The following KCNIP4 variants were observed in gnomAD, a reference collection of about 807,000 sequenced individuals.
KCNIP4 encodes Kv channel-interacting protein 4.
A neutral mutation model predicts 34.0 loss-of-function variants in KCNIP4; 12 were observed. The ratio of observed to expected loss-of-function variants is 0.35; its 90% CI spans 0.23 to 0.57. KCNIP4 has a LOEUF of 0.57. Among genes scored for constraint, KCNIP4 ranks in the 20% least tolerant of loss-of-function variants. KCNIP4 has a pLI of 0.83. For missense variants in KCNIP4, 238 were observed against 311.7 expected (o/e 0.76, Z 1.78); for synonymous variants, 124 against 102.2 (o/e 1.21, Z -1.29).
At chr4:20,917,012 T>C (rs1728902798) in intron 1 of KCNIP4, among the ~76,000 whole-genome samples, 1 of 14,598 alleles carries the variant, frequency 6.9e-5, no homozygotes, top group South Asian at 1.3e-3. Flanking sequence ...TATATATATA[T>C]ATATATATAT....
chr4:21,388,368 A>G (rs965849734), intron 1 of KCNIP4, among the ~76,000 whole-genome samples: 12 of 151,852 alleles, frequency 7.9e-5, no homozygotes, highest in Non-Finnish European at 1.3e-4. Context: ...ATATGACATA[A>G]GAAGTGTCCC....
At position 21,246,389 on chromosome 4, in the gene KCNIP4, G is replaced by A. The variant is rs535341047; in HGVS notation, c.62-363680C>T. Among the ~76,000 whole-genome samples the A allele has an allele frequency of 3.3e-4, 51 of 152,258 alleles. No homozygotes were observed. In the South Asian group the frequency reaches 1.0e-2, roughly 30 times the overall value. Reference sequence around the variant, plus strand: ...GACCCACAAAACCTTCAAACACTTCGAAGCTTAAGCTGATTTTGTCAACTA... The same window carrying A: ...GACCCACAAAACCTTCAAACACTTCAAAGCTTAAGCTGATTTTGTCAACTA... On this transcript the variant is annotated intron_variant, in intron 1 of 8. Coordinates refer to ENST00000382152, the MANE Select transcript of KCNIP4 (RefSeq NM_025221.6).
chr4:21,842,313 A>G (rs1723735160), intron 1 of KCNIP4, among the ~76,000 whole-genome samples: 1 of 152,092 alleles, frequency 6.6e-6, no homozygotes, highest in East Asian at 1.9e-4. Flanking sequence ...ATAGTTTTAC[A>G]CTAGATTTTT....
chr4:21,855,384 C>T (rs1724685686), intron 1 of KCNIP4, among the ~76,000 whole-genome samples: 1 of 152,190 alleles, frequency 6.6e-6, no homozygotes, highest in Admixed American at 6.5e-5. Context: ...TTTCCAGTGT[C>T]TAAACCGCTG....
intron 1 of KCNIP4, among the ~76,000 whole-genome samples, chr4:21,156,888 T>C (rs948886463): frequency 5.9e-5 from 9 of 152,054 alleles, no homozygotes; most frequent in African/African-American, 2.2e-4. Flanking sequence ...TAATGGGTAA[T>C]ATGCATTCTA....
At chr4:21,863,219 T>A (rs1298610525) in intron 1 of KCNIP4, among the ~76,000 whole-genome samples, 2 of 152,014 alleles carry the variant, frequency 1.3e-5, no homozygotes, top group African/African-American at 4.8e-5. Context: ...TTTTGGTAAG[T>A]GTGTTATCCA....
intron 1 of KCNIP4, among the ~76,000 whole-genome samples, chr4:21,111,600 G>A (rs375629765): frequency 5.3e-5 from 8 of 152,310 alleles, no homozygotes; most frequent in South Asian, 2.1e-4. Context: ...CAAACTCAGC[G>A]TGGCACTAGA....
At chr4:21,196,845 T>G (rs1756091546) in intron 1 of KCNIP4, among the ~76,000 whole-genome samples, 3 of 152,166 alleles carry the variant, frequency 2.0e-5, no homozygotes, top group Admixed American at 6.5e-5. Flanking sequence ...AAGTGTACAC[T>G]CTGATGCATT....
At chr4:21,103,472 A>G (rs1220391617) in intron 1 of KCNIP4, among the ~76,000 whole-genome samples, 1 of 149,930 alleles carries the variant, frequency 6.7e-6, no homozygotes, top group Non-Finnish European at 1.5e-5. Context: ...TATTTTAATT[A>G]TATCATTATT....
intron 1 of KCNIP4, among the ~76,000 whole-genome samples, chr4:21,791,740 GCCTGTAATC>G (rs1464697360): frequency 6.6e-6 from 1 of 151,920 alleles, no homozygotes; most frequent in Non-Finnish European, 1.5e-5. Flanking sequence ...TACCTCTCAT[GCCTGTAATC>G]CCAGCACTTT....
intron 1 of KCNIP4, among the ~76,000 whole-genome samples, chr4:21,066,236 G>A (rs1474696821): frequency 2.6e-5 from 4 of 152,088 alleles, no homozygotes; most frequent in Non-Finnish European, 5.9e-5. Flanking sequence ...CCTATTTACT[G>A]TGGCTTCCAT....
rs556750837 is a variant in KCNIP4 at position 21,714,201 on chromosome 4, T to A, written c.61+234370A>T. Among the ~76,000 whole-genome samples, 3 of 152,272 alleles carry A rather than the reference T, an allele frequency of 2.0e-5. No individual in the cohort carries two copies. In the South Asian group the frequency reaches 6.2e-4, roughly 32 times the overall value. On this transcript the variant is annotated intron_variant, in intron 1 of 8. Coordinates refer to ENST00000382152, the MANE Select transcript of KCNIP4 (RefSeq NM_025221.6). ...AAACTCTCTCTCAAGATTAATAAAT[T>A]GTCATCAATAATGGCTGTATTTTCA...
At chr4:21,174,397 A>G (rs144530467) in intron 1 of KCNIP4, among the ~76,000 whole-genome samples, 29 of 152,256 alleles carry the variant, frequency 1.9e-4, no homozygotes, top group South Asian at 1.0e-3. Context: ...ACTTCCTGAG[A>G]CTCAGTTTGT....
At chr4:21,881,173 T>A (rs1460538481) in intron 1 of KCNIP4, among the ~76,000 whole-genome samples, 1 of 152,166 alleles carries the variant, frequency 6.6e-6, no homozygotes, top group Non-Finnish European at 1.5e-5. Context: ...ATTTTGCTGT[T>A]CTGTCTTGAC....
intron 1 of KCNIP4, among the ~76,000 whole-genome samples, chr4:21,026,018 G>A (rs1383086397): frequency 6.6e-6 from 1 of 152,134 alleles, no homozygotes; most frequent in Non-Finnish European, 1.5e-5. Context: ...AGAAATATTA[G>A]TCTAATGGCC....
intron 1 of KCNIP4, among the ~76,000 whole-genome samples, chr4:21,640,261 C>G (rs1370879052): frequency 6.6e-6 from 1 of 152,174 alleles, no homozygotes; most frequent in Non-Finnish European, 1.5e-5. Flanking sequence ...TTGGCCAGCC[C>G]CTGCCACCCC....
chr4:21,031,309 ATC>A (rs1342943733), intron 1 of KCNIP4, among the ~76,000 whole-genome samples: 2 of 152,234 alleles, frequency 1.3e-5, no homozygotes, highest in African/African-American at 4.8e-5. Flanking sequence ...TGTGCCAGAC[ATC>A]TTTCATTTAT....
At chr4:20,976,701 T>C (rs1314172477) in intron 1 of KCNIP4, among the ~76,000 whole-genome samples, 1 of 152,218 alleles carries the variant, frequency 6.6e-6, no homozygotes, top group Non-Finnish European at 1.5e-5. Context: ...AGTTAGGTCT[T>C]GGTGTTTTCT....
intron 1 of KCNIP4, among the ~76,000 whole-genome samples, chr4:20,979,941 A>G (rs964289072): frequency 2.0e-5 from 3 of 152,158 alleles, no homozygotes; most frequent in African/African-American, 7.2e-5. Flanking sequence ...TAATCCATGC[A>G]AGCCACCCAC....
Sources: gnomAD v4.1 joint callset for allele counts (sites outside exome capture counted in the v4.1 genomes callset) on GRCh38, gnomAD v4.1.1 for gene constraint, MANE v1.5 for transcripts, NCBI Gene and HGNC (gene_info 2026-07-23, HGNC 2026-07-21) for gene names.